Variants in SLC9A9 observed in about 807,000 individuals in gnomAD.
The protein encoded by SLC9A9 is sodium/hydrogen exchanger 9.
SLC9A9 carries 62 observed loss-of-function variants against 77.8 expected under a neutral mutation model. The observed-to-expected ratio is 0.80, with a 90% CI of 0.65 to 0.98. SLC9A9 has a LOEUF of 0.98. SLC9A9 is among the 50% of genes least tolerant of loss of function. SLC9A9 has a pLI of 0.00. For synonymous variants in SLC9A9, 320 were observed against 283.5 expected (o/e 1.13, Z -1.29); for missense variants, 775 against 774.9 (o/e 1.00, Z 0.00).
chr3:143,394,732 C>G (rs893179274), intron 12 of SLC9A9, among the ~76,000 whole-genome samples: 1 of 152,210 alleles, frequency 6.6e-6, no homozygotes. Context: ...TCTCCTTAAG[C>G]TGATAGGCAA....
chr3:143,646,412 C>T (rs1307409744), intron 6 of SLC9A9, among the ~76,000 whole-genome samples: 1 of 147,928 alleles, frequency 6.8e-6, no homozygotes, highest in African/African-American at 2.5e-5. Flanking sequence ...GAATTTTTAA[C>T]CAAGCTAGAT....
At chr3:143,280,717 A>C (rs1054561233) in intron 14 of SLC9A9, among the ~76,000 whole-genome samples, 3 of 151,524 alleles carry the variant, frequency 2.0e-5, no homozygotes, top group African/African-American at 7.3e-5. Context: ...TGCCCAGCTA[A>C]TTTTTGTATT....
At position 143,846,345 on chromosome 3, in the gene SLC9A9, T is replaced by C. The variant is rs1406286441; in HGVS notation, c.175+1803A>G. On this transcript the variant is annotated intron_variant, in intron 1 of 15. Coordinates refer to ENST00000316549, the MANE Select transcript of SLC9A9 (RefSeq NM_173653.4). ...CTTTAATATGATATCAAGAATTACATTGTTTCTGGCTTCTCAGATTCTATT... is the reference window on the plus strand; with the variant it reads ...CTTTAATATGATATCAAGAATTACACTGTTTCTGGCTTCTCAGATTCTATT... Among the ~76,000 whole-genome samples the C allele has an allele frequency of 2.6e-5, 4 of 152,358 alleles. No individual in the cohort carries two copies. The East Asian group carries it at 7.7e-4, about 29-fold the overall frequency.
chr3:143,457,494 TCTTA>T (rs926090040), intron 12 of SLC9A9, among the ~76,000 whole-genome samples: 38 of 152,314 alleles, frequency 2.5e-4, no homozygotes, highest in African/African-American at 7.2e-4. Flanking sequence ...TTATCTTTCC[TCTTA>T]CTTGTTTTGG....
intron 6 of SLC9A9, among the ~76,000 whole-genome samples, chr3:143,633,081 A>G (rs1295157240): frequency 6.6e-6 from 1 of 152,194 alleles, no homozygotes; most frequent in Non-Finnish European, 1.5e-5. Flanking sequence ...ACATCCCTTC[A>G]TTGGATTCTT....
intron 9 of SLC9A9, among the ~76,000 whole-genome samples, chr3:143,541,601 G>A (rs902353503): frequency 3.9e-5 from 6 of 152,210 alleles, no homozygotes; most frequent in African/African-American, 7.2e-5. Context: ...CAGGTGCTGT[G>A]TATTTTTAAT....
chr3:143,732,656 A>C (rs1236237019), intron 4 of SLC9A9, among the ~76,000 whole-genome samples: 1 of 152,204 alleles, frequency 6.6e-6, no homozygotes, highest in Non-Finnish European at 1.5e-5. Context: ...GCAATTTTAC[A>C]ATAGACAAAT....
intron 12 of SLC9A9, among the ~76,000 whole-genome samples, chr3:143,430,393 G>T (rs182451359): frequency 1.3e-5 from 2 of 152,260 alleles, no homozygotes; most frequent in African/African-American, 4.8e-5. Flanking sequence ...AATTCTGAGG[G>T]TTACATACAC....
chr3:143,782,491 C>T (rs2007914756), intron 4 of SLC9A9, among the ~76,000 whole-genome samples: 3 of 152,198 alleles, frequency 2.0e-5, no homozygotes, highest in African/African-American at 7.2e-5. Context: ...GAGTCAGTCA[C>T]ACTTTGGAAA....
At chr3:143,473,459 C>T (rs1020176162) in intron 11 of SLC9A9, among the ~76,000 whole-genome samples, 3 of 152,176 alleles carry the variant, frequency 2.0e-5, no homozygotes, top group African/African-American at 7.2e-5. Context: ...TGACTGTTAT[C>T]CCCACCTCTG....
rs371695592 is a variant in SLC9A9, at chr3:143,597,976, T to C, written c.756-19253A>G. Among the ~76,000 whole-genome samples, 136 of 152,300 alleles carry C rather than the reference T, an allele frequency of 8.9e-4. 1 individual carries two copies. The highest frequency in any genetic ancestry group is 3.2e-3 in the African/African-American group (132 of 41,586). ...GCAGTGGGCGCTGCCTTCCCTAGAA[T>C]CGCAGTATCGAGAGCTGTTGTCAAC... On this transcript the variant is annotated intron_variant, in intron 6 of 15. Transcript: ENST00000316549.
chr3:143,635,372 G>A (rs1299481004), intron 6 of SLC9A9, among the ~76,000 whole-genome samples: 1 of 152,146 alleles, frequency 6.6e-6, no homozygotes, highest in African/African-American at 2.4e-5. Context: ...CTGAAGGTGG[G>A]GCATAGACCC....
chr3:143,295,168 T>C (rs982244978), intron 14 of SLC9A9, among the ~76,000 whole-genome samples: 1 of 152,238 alleles, frequency 6.6e-6, no homozygotes, highest in Non-Finnish European at 1.5e-5. Flanking sequence ...CAGTTTTTCC[T>C]GACAGATCAA....
intron 4 of SLC9A9, among the ~76,000 whole-genome samples, chr3:143,696,151 T>A (rs1430975829): frequency 6.6e-6 from 1 of 152,248 alleles, no homozygotes; most frequent in Non-Finnish European, 1.5e-5. Context: ...TTAATTTAAT[T>A]AGATCCCATT....
At chr3:143,721,358 C>A (rs1205511627) in intron 4 of SLC9A9, among the ~76,000 whole-genome samples, 1 of 151,952 alleles carries the variant, frequency 6.6e-6, no homozygotes, top group African/African-American at 2.4e-5. Flanking sequence ...AGCCAGAAAC[C>A]CCTCATGTGG....
At chr3:143,367,654 A>G (rs933780537) in intron 13 of SLC9A9, among the ~76,000 whole-genome samples, 1 of 152,342 alleles carries the variant, frequency 6.6e-6, no homozygotes, top group East Asian at 1.9e-4. Context: ...GAGGCAGCAC[A>G]GAGAGCCAGC....
intron 7 of SLC9A9, among the ~76,000 whole-genome samples, chr3:143,577,641 C>G (rs914749116): frequency 2.6e-5 from 4 of 152,178 alleles, no homozygotes; most frequent in African/African-American, 9.7e-5. Flanking sequence ...TTGTTTTACA[C>G]ATCTCCTGAC....
At chr3:143,803,952 C>T (rs34283894) in intron 2 of SLC9A9, among the ~76,000 whole-genome samples, 21,789 of 152,080 alleles carry the variant, frequency 0.14, 1,906 homozygotes, top group South Asian at 0.28. Context: ...AGCAAGCTGC[C>T]GTCCTCCTCC....
chr3:143,797,530 A>G (rs1183944689), intron 2 of SLC9A9, among the ~76,000 whole-genome samples: 1 of 152,194 alleles, frequency 6.6e-6, no homozygotes, highest in African/African-American at 2.4e-5. Context: ...AAGAATCACC[A>G]AAGAAGTGAA....
Sources: gnomAD v4.1 joint callset for allele counts (sites outside exome capture counted in the v4.1 genomes callset) on GRCh38, gnomAD v4.1.1 for gene constraint, MANE v1.5 for transcripts, NCBI Gene and HGNC (gene_info 2026-07-23, HGNC 2026-07-21) for gene names.